Variants in CCDC171 observed in about 807,000 individuals in gnomAD.
CCDC171 encodes the protein coiled-coil domain-containing protein 171.
In CCDC171, 177 loss-of-function variants were observed where a neutral mutation model predicts 168.2. The ratio of observed to expected loss-of-function variants is 1.05; its 90% confidence interval spans 0.93 to 1.19. The LOEUF (loss-of-function observed/expected upper bound fraction) is 1.19. CCDC171 is among the 50% of genes most tolerant of loss of function. The pLI is 0.00. For synonymous variants in CCDC171, 687 were observed against 540.8 expected (o/e 1.27, Z -3.75); for missense variants, 1,991 against 1,539.0 (o/e 1.29, Z -4.91).
intron 23 of CCDC171, among the ~76,000 whole-genome samples, chr9:15,854,631 T>A (rs929873332): frequency 6.6e-6 from 1 of 151,636 alleles, no homozygotes; most frequent in African/African-American, 2.4e-5. Context: ...TTGCTTTGGG[T>A]TTAGTTTGCG....
chr9:15,959,794 T>TA (rs1564072371), intron 25 of CCDC171, among the ~76,000 whole-genome samples: 1 of 152,086 alleles, frequency 6.6e-6, no homozygotes. Flanking sequence ...CATGCAGACC[T>TA]ATGGACTGGC....
At chr9:15,741,826 T>C (rs1241121564) in intron 16 of CCDC171, among the ~76,000 whole-genome samples, 2 of 152,164 alleles carry the variant, frequency 1.3e-5, no homozygotes, top group Admixed American at 6.5e-5. Context: ...CTAGTGGAGA[T>C]AGTGGGTGTT....
At chr9:15,925,632 A>G (rs1278148868) in intron 25 of CCDC171, among the ~76,000 whole-genome samples, 3 of 151,748 alleles carry the variant, frequency 2.0e-5, no homozygotes, top group East Asian at 3.9e-4. Flanking sequence ...GCCTGGGACA[A>G]TTCCTAGTTT....
At chr9:16,014,251 A>G (rs530393062) in intron 3 of CCDC171, among the ~76,000 whole-genome samples, 1 of 152,230 alleles carries the variant, frequency 6.6e-6, no homozygotes, top group Non-Finnish European at 1.5e-5. Flanking sequence ...TCGCTCATCC[A>G]TAAGAAGCAA....
At chr9:15,574,189 G>C (rs1213749289) in intron 3 of CCDC171, among the ~76,000 whole-genome samples, 3 of 151,008 alleles carry the variant, frequency 2.0e-5, no homozygotes, top group Non-Finnish European at 4.4e-5. Context: ...CTGTTGTCCA[G>C]GCTGGAGTAC....
intron 25 of CCDC171, among the ~76,000 whole-genome samples, chr9:15,963,680 A>G (rs1375448845): frequency 1.3e-5 from 2 of 152,182 alleles, no homozygotes; most frequent in Non-Finnish European, 2.9e-5. Context: ...AATTAAGTTT[A>G]GCACCTTTTC....
chr9:15,688,034 G>A (rs545340511), intron 10 of CCDC171, among the ~76,000 whole-genome samples: 23 of 150,802 alleles, frequency 1.5e-4, no homozygotes, highest in African/African-American at 5.1e-4. Context: ...CAGGAGAATC[G>A]CTTGAACCTG....
intron 18 of CCDC171, among the ~76,000 whole-genome samples, chr9:15,756,183 T>C (rs890836597): frequency 1.3e-5 from 2 of 152,236 alleles, no homozygotes; most frequent in South Asian, 2.1e-4. Flanking sequence ...AAACTCAACA[T>C]AGAGAGGATT....
At chr9:15,561,469 G>T (rs1249374621) in intron 1 of CCDC171, among the ~76,000 whole-genome samples, 5 of 152,194 alleles carry the variant, frequency 3.3e-5, no homozygotes, top group Admixed American at 3.3e-4. Flanking sequence ...TTTTAACTTT[G>T]TGGAGTTTCA....
chr9:15,722,990 A>G (rs2053582754), intron 12 of CCDC171, among the ~76,000 whole-genome samples: 1 of 152,186 alleles, frequency 6.6e-6, no homozygotes, highest in Non-Finnish European at 1.5e-5. Context: ...GATGAATGTC[A>G]CATGATCCTC....
Position 15,794,957 on chromosome 9 carries a change from C to A in CCDC171, c.3267+10263C>A, listed in dbSNP as rs555983355. 3.3e-5 allele frequency among the ~76,000 whole-genome samples: 5 copies of A among 152,292 alleles called. No homozygotes were observed. In the South Asian group the frequency reaches 1.0e-3, roughly 32 times the overall value. ...CCTACTGTCATCACTTTCTTGAAGT[C>A]AGGATTTTGCTAACATGAAAGGACT... On this transcript the variant is annotated intron_variant, in intron 21 of 25. Transcript: ENST00000380701.
chr9:15,956,158 C>G (rs1829775423), intron 25 of CCDC171, among the ~76,000 whole-genome samples: 1 of 152,108 alleles, frequency 6.6e-6, no homozygotes, highest in South Asian at 2.1e-4. Flanking sequence ...GATTTGAAGG[C>G]ATGTCACGAA....
intron 21 of CCDC171, among the ~76,000 whole-genome samples, chr9:15,814,322 T>G (rs2059476119): frequency 1.3e-5 from 2 of 152,194 alleles, no homozygotes; most frequent in Admixed American, 6.5e-5. Flanking sequence ...GTATATTTCA[T>G]GTTTGTTTCA....
chr9:16,018,549 T>C (rs1052587483), intron 3 of CCDC171, among the ~76,000 whole-genome samples: 2 of 152,244 alleles, frequency 1.3e-5, no homozygotes, highest in Admixed American at 1.3e-4. Context: ...ATTGAATGAA[T>C]TATGATCATT....
At chr9:15,903,506 T>G (rs934862989) in intron 24 of CCDC171, among the ~76,000 whole-genome samples, 2 of 152,022 alleles carry the variant, frequency 1.3e-5, no homozygotes, top group African/African-American at 4.8e-5. Context: ...AGAAAGGACA[T>G]CCACACCAAA....
At chr9:15,998,441 G>A (rs527665991) in intron 3 of CCDC171, among the ~76,000 whole-genome samples, 45 of 152,296 alleles carry the variant, frequency 3.0e-4, no homozygotes, top group African/African-American at 9.6e-4. Flanking sequence ...CTGTGGATCA[G>A]GCATTTCATA....
At chr9:15,780,397 TTTAGACTGG>T (rs144951464) in intron 20 of CCDC171, among the ~76,000 whole-genome samples, 2,668 of 152,192 alleles carry the variant, frequency 0.018, 95 homozygotes, top group African/African-American at 0.061. Flanking sequence ...AAGAAGAAAG[TTTAGACTGG>T]GTATGGTGGC....
chr9:15,596,181 G>A (rs1365620902), intron 6 of CCDC171, among the ~76,000 whole-genome samples: 1 of 152,108 alleles, frequency 6.6e-6, no homozygotes, highest in African/African-American at 2.4e-5. Context: ...GGCTTTTGTT[G>A]CCATTGGTTT....
chr9:15,904,560 G>A (rs1036532811), intron 24 of CCDC171, among the ~76,000 whole-genome samples: 2 of 152,104 alleles, frequency 1.3e-5, no homozygotes, highest in Non-Finnish European at 2.9e-5. Context: ...ACCAGCCACT[G>A]CAAAAACATG....
Sources: allele counts gnomAD v4.1 joint callset (sites outside exome capture counted in the v4.1 genomes callset), GRCh38; gene constraint gnomAD v4.1.1; transcripts MANE v1.5; gene names NCBI Gene and HGNC (gene_info 2026-07-23, HGNC 2026-07-21).